The following DNAH8 variants were observed in gnomAD, a reference collection of about 807,000 sequenced individuals.
DNAH8 encodes axonemal beta dynein heavy chain 8.
In DNAH8, 382 loss-of-function variants were observed where a neutral mutation model predicts 562.1. That is an observed-to-expected ratio of 0.68 (90% confidence interval 0.63 to 0.74). The LOEUF is 0.74. DNAH8 is among the 30% of genes least tolerant of loss of function. DNAH8 has a pLI of 0.00. For missense variants in DNAH8, 5,203 were observed against 5,620.4 expected, an observed-to-expected ratio of 0.93 and a Z score of 2.37; for synonymous variants, 1,881 against 1,919.4, an observed-to-expected ratio of 0.98 and a Z score of 0.52.
intron 87 of DNAH8, among the ~76,000 whole-genome samples, chr6:38,988,092 C>A (rs562500853): frequency 6.6e-6 from 1 of 152,186 alleles, no homozygotes; most frequent in Non-Finnish European, 1.5e-5. Flanking sequence ...TGTAAACTCA[C>A]GCCTGCACAT....
rs1297831618 is a variant in DNAH8, at chr6:38,938,227, G to A, written c.11816+1G>A. On this transcript the variant is annotated splice_donor_variant, in intron 78 of 92. Transcript: ENST00000327475. LOFTEE classifies it high-confidence loss of function. ...AGTTATTTGACCAGTCCATGGCCAG[G>A]TGAGTCCTCACTACCTTCATCCAAA... 5 of 1,605,576 alleles carry A rather than the reference G, an allele frequency of 3.1e-6. No homozygotes were observed. The highest frequency in any genetic ancestry group is 3.3e-5 in the Admixed American group (2 of 59,872).
chr6:38,851,529 G>A (rs1345098526), intron 38 of DNAH8, 43 bp from the exon 39 acceptor site: 18 of 1,272,752 alleles, frequency 1.4e-5, no homozygotes, highest in Non-Finnish European at 5.5e-6. Flanking sequence ...TAATTTAGGG[G>A]AAAAAAAACC....
At chr6:38,843,361 T>C (rs1407723815) in intron 35 of DNAH8, among the ~76,000 whole-genome samples, 1 of 152,028 alleles carries the variant, frequency 6.6e-6, no homozygotes, top group Non-Finnish European at 1.5e-5. Context: ...TTTTTCATTT[T>C]TTCATTAAAA....
At chr6:38,753,131 A>G (rs1032269000) in intron 9 of DNAH8, among the ~76,000 whole-genome samples, 2 of 151,842 alleles carry the variant, frequency 1.3e-5, no homozygotes, top group African/African-American at 4.8e-5. Context: ...CATTCTTCTC[A>G]TTTTTACCCC....
At chr6:38,871,137 A>G (rs1278748385) in intron 49 of DNAH8, among the ~76,000 whole-genome samples, 1 of 152,242 alleles carries the variant, frequency 6.6e-6, no homozygotes, top group African/African-American at 2.4e-5. Flanking sequence ...TATGAGCTTG[A>G]TGCTTTGGGA....
At chr6:38,935,748 C>G in intron 77 of DNAH8, 51 bp downstream of exon 77, 3 of 1,321,994 alleles carry the variant, frequency 2.3e-6, no homozygotes, top group Non-Finnish European at 3.2e-6. Context: ...ATAAGGATTT[C>G]ATTTACACTC....
chr6:38,793,592 C>G (rs1769956564), intron 21 of DNAH8, among the ~76,000 whole-genome samples: 1 of 152,016 alleles, frequency 6.6e-6, no homozygotes, highest in Non-Finnish European at 1.5e-5. Context: ...TTCTGAAAGT[C>G]TGTTTTTAAA....
chr6:38,815,564 C>G lies in DNAH8; in HGVS notation c.3430C>G (p.Gln1144Glu), dbSNP rs980655511. 1.9e-6 allele frequency: 3 copies of G among 1,614,042 alleles called. No individual in the cohort carries two copies. Among genetic ancestry groups the G allele is most frequent in the African/African-American group, 1.3e-5 (1 of 75,054 alleles). Reference sequence around the variant, plus strand: ...CAGAGGAGTGGCTCACTGGGGGCAACAGCAAATCCGTCCCATCAAGTCTGT... The same window carrying G: ...CAGAGGAGTGGCTCACTGGGGGCAAGAGCAAATCCGTCCCATCAAGTCTGT... ...VSRGVAHWGQ[Q>E]QIRPIKSVIP... The change falls in exon 26 of 93, where the codon CAG (glutamine) becomes GAG (glutamate). Residue 1144 changes from glutamine to glutamate, a missense_variant. Gln to Glu is a conservative substitution (Grantham distance 29). Transcript: ENST00000327475.
At chr6:38,874,567 T>C (rs1317818802) in intron 52 of DNAH8, among the ~76,000 whole-genome samples, 1 of 151,550 alleles carries the variant, frequency 6.6e-6, no homozygotes, top group African/African-American at 2.4e-5. Flanking sequence ...ACAGGGTCTC[T>C]GTATGTTGCC....
Position 38,973,355 on chromosome 6 carries a change from G to C in DNAH8, c.12526-306G>C, listed in dbSNP as rs149618497. 2.0e-3 allele frequency among the ~76,000 whole-genome samples: 308 copies of C among 152,178 alleles called. 2 individuals carry two copies. Among genetic ancestry groups the C allele is most frequent in the Middle Eastern group, 6.8e-3 (2 of 294 alleles). On this transcript the variant is annotated intron_variant, in intron 83 of 92. Coordinates refer to ENST00000327475, the MANE Select transcript of DNAH8 (RefSeq NM_001206927.2). ...ACTTGTTACTGATTCCAAAATACCC[G>C]TTCCCACCATTAGATGGTGCACACA...
At chr6:38,959,214 G>T (rs1235215302) in intron 82 of DNAH8, among the ~76,000 whole-genome samples, 1 of 152,154 alleles carries the variant, frequency 6.6e-6, no homozygotes. Context: ...CTAAAATTAG[G>T]AACACAACAA....
At position 38,791,671 on chromosome 6, in the gene DNAH8, T is replaced by C; in HGVS notation, c.2898T>C (p.Asn966=). The C allele has an allele frequency of 6.2e-7, 1 of 1,612,794 alleles. No individual in the cohort carries two copies. The highest frequency in any genetic ancestry group is 1.1e-5 in the South Asian group (1 of 90,588). ...ATKVEDMLTL[N]ETYTKEWADI... ...AAGTAGAAGATATGTTGACCCTCAATGAGGTATGCATTTGTTCATTAAATT... is the reference window on the plus strand; with the variant it reads ...AAGTAGAAGATATGTTGACCCTCAACGAGGTATGCATTTGTTCATTAAATT... The change falls in exon 21 of 93, where the codon AAT becomes AAC. Residue 966 remains asparagine (N), a synonymous_variant. Coordinates refer to ENST00000327475, the MANE Select transcript of DNAH8 (RefSeq NM_001206927.2).
intron 91 of DNAH8, among the ~76,000 whole-genome samples, chr6:39,024,238 T>A (rs751951052): frequency 1.3e-5 from 2 of 152,224 alleles, no homozygotes; most frequent in Non-Finnish European, 2.9e-5. Flanking sequence ...CTTGTACAAA[T>A]GGATGGTTAA....
chr6:38,790,595 C>A (rs1223396518), intron 20 of DNAH8, among the ~76,000 whole-genome samples, 190 bp downstream of exon 20: 2 of 151,952 alleles, frequency 1.3e-5, no homozygotes, highest in Non-Finnish European at 2.9e-5. Flanking sequence ...GAGGCCAAGG[C>A]GGATGGATCA....
At chr6:38,867,574 C>A (rs1449323896) in intron 47 of DNAH8, among the ~76,000 whole-genome samples, 2 of 145,822 alleles carry the variant, frequency 1.4e-5, no homozygotes, top group African/African-American at 5.1e-5. Context: ...GAAACCCTGT[C>A]TCTACTAAAA....
intron 8 of DNAH8, among the ~76,000 whole-genome samples, chr6:38,747,021 A>T (rs962588006): frequency 1.3e-5 from 2 of 152,176 alleles, no homozygotes; most frequent in South Asian, 4.1e-4. Context: ...TTATTTCTTT[A>T]TACTTTATTC....
intron 18 of DNAH8, among the ~76,000 whole-genome samples, chr6:38,788,814 T>C (rs1055064127): frequency 1.3e-5 from 2 of 152,246 alleles, no homozygotes; most frequent in African/African-American, 2.4e-5. Context: ...TTGTCTTTTG[T>C]GTTTTTGGTG....
intron 12 of DNAH8, among the ~76,000 whole-genome samples, chr6:38,772,323 C>T (rs918819783): frequency 6.6e-6 from 1 of 152,106 alleles, no homozygotes; most frequent in Non-Finnish European, 1.5e-5. Flanking sequence ...CCACCACGCC[C>T]AGCTGAGGTT....
At chr6:38,962,177 G>C (rs1437833831) in intron 82 of DNAH8, among the ~76,000 whole-genome samples, 1 of 152,004 alleles carries the variant, frequency 6.6e-6, no homozygotes, top group Non-Finnish European at 1.5e-5. Flanking sequence ...CACATTCCCA[G>C]TATAGAGATT....
Sources: gnomAD v4.1 joint callset for allele counts (sites outside exome capture counted in the v4.1 genomes callset) on GRCh38, gnomAD v4.1.1 for gene constraint, MANE v1.5 for transcripts, NCBI Gene and HGNC (gene_info 2026-07-23, HGNC 2026-07-21) for gene names.